Variants in ZDHHC18 observed in about 807,000 individuals in gnomAD.
ZDHHC18 encodes zDHHC palmitoyltransferase 18.
A neutral mutation model predicts 37.5 loss-of-function variants in ZDHHC18; 23 were observed. The observed-to-expected ratio is 0.61, with a 90% confidence interval of 0.44 to 0.87. The LOEUF (loss-of-function observed/expected upper bound fraction) is 0.87, where lower values mean the gene tolerates loss of function less well. ZDHHC18 is among the 40% of genes least tolerant of loss of function. The probability of loss-of-function intolerance (pLI) is 0.00; values close to 1 mark genes in which losing one functional copy is unlikely to be tolerated. For missense variants in ZDHHC18, 406 were observed against 525.6 expected (o/e 0.77, Z 2.22); for synonymous variants, 185 against 218.7 (o/e 0.85, Z 1.36).
At chr1:26,846,932 G>A (rs900652799) in intron 2 of ZDHHC18, among the ~76,000 whole-genome samples, 13 of 149,576 alleles carry the variant, frequency 8.7e-5, no homozygotes, top group Non-Finnish European at 1.3e-4. Context: ...GTCTCCCACC[G>A]TCGCCCAGGC....
At chr1:26,848,238 C>T (rs1050260879) in intron 2 of ZDHHC18, among the ~76,000 whole-genome samples, 2 of 151,574 alleles carry the variant, frequency 1.3e-5, no homozygotes, top group African/African-American at 2.4e-5. Flanking sequence ...CTTGAACCTG[C>T]GAGGTGGAGG....
intron 2 of ZDHHC18, among the ~76,000 whole-genome samples, chr1:26,839,573 G>A (rs2081628326): frequency 6.6e-6 from 1 of 152,122 alleles, no homozygotes; most frequent in African/African-American, 2.4e-5. Flanking sequence ...CCTAGTTTCA[G>A]CCCCACCTTC....
chr1:26,827,251 C>A, intron 1 of ZDHHC18, 112 bp downstream of exon 1: 2 of 939,776 alleles, frequency 2.1e-6, no homozygotes, highest in Non-Finnish European at 2.8e-6. Context: ...TCCTCATCCT[C>A]CCCGCCCCTT....
At chr1:26,832,858 G>A (rs1470582075) in intron 2 of ZDHHC18, among the ~76,000 whole-genome samples, 8 of 152,190 alleles carry the variant, frequency 5.3e-5, no homozygotes, top group Non-Finnish European at 1.0e-4. Flanking sequence ...TAGTTCCTGG[G>A]GGCTAGGCAC....
chr1:26,856,326 A>T lies in ZDHHC18; in HGVS notation c.*2483A>T. On this transcript the variant is annotated 3_prime_UTR_variant, in exon 8 of 8. Transcript: ENST00000374142. This position sits in a 1 kb window ranked among gnomAD's most constrained non-coding sequence, Gnocchi z 5.2. ...TCCCCTCACACACCATCTCATCCTC[A>T]TCGCATGCCTCGCCAACCCCATGGA... 2.5e-6 allele frequency: 1 copy of T among 399,338 alleles called. No individual in the cohort carries two copies. Among genetic ancestry groups the T allele is most frequent in the South Asian group, 1.7e-5 (1 of 59,454 alleles). 24.7% of individuals were successfully genotyped at this position (399,338 alleles called of 1,614,324 possible). A position where few individuals can be genotyped will look rare whatever the true frequency, so the allele number is the denominator to read the frequency against.
At chr1:26,833,590 G>T (rs1385231864) in intron 2 of ZDHHC18, among the ~76,000 whole-genome samples, 1 of 152,176 alleles carries the variant, frequency 6.6e-6, no homozygotes, top group African/African-American at 2.4e-5. Flanking sequence ...GGCAGCCCAG[G>T]TGGCCCTTGA....
Position 26,852,737 on chromosome 1 carries a change from T to G in ZDHHC18, c.937-16T>G. On this transcript the variant is annotated splice_polypyrimidine_tract_variant and intron_variant, in intron 6 of 7. Transcript: ENST00000374142. ...CAAAAGGAGGTACTTGACCTAGGCC[T>G]CCTTCCTGCTTGCAGATCAAAGGCT... The G allele has an allele frequency of 1.9e-6, 3 of 1,612,892 alleles. No individual in the cohort carries two copies. Among genetic ancestry groups the G allele is most frequent in the Non-Finnish European group, 8.5e-7 (1 of 1,178,986 alleles).
intron 2 of ZDHHC18, among the ~76,000 whole-genome samples, chr1:26,842,302 A>T (rs1252451452): frequency 6.6e-6 from 1 of 152,212 alleles, no homozygotes; most frequent in Non-Finnish European, 1.5e-5. Flanking sequence ...AATAGCTCAC[A>T]CTTGCTAACC....
intron 2 of ZDHHC18, among the ~76,000 whole-genome samples, chr1:26,846,179 C>G (rs1322972938): frequency 2.9e-5 from 4 of 135,730 alleles, no homozygotes; most frequent in Non-Finnish European, 6.2e-5. Context: ...TATATATACA[C>G]ATATATCTAT....
Position 26,851,340 on chromosome 1 carries a change from G to A in ZDHHC18, c.936+109G>A. ...ACAGTCCTGACTCACGGACTGCTGG[G>A]ATAATGCCTTTTAAGCAGCCAGATG... On this transcript the variant is annotated intron_variant, in intron 6 of 7. Coordinates refer to ENST00000374142, the MANE Select transcript of ZDHHC18 (RefSeq NM_032283.3). 4 of 1,071,962 alleles carry A rather than the reference G, an allele frequency of 3.7e-6. No individual in the cohort carries two copies. The East Asian group carries it at 9.5e-5, about 26-fold the overall frequency. 66.4% of individuals were successfully genotyped at this position (1,071,962 alleles called of 1,614,324 possible). A position where few individuals can be genotyped will look rare whatever the true frequency, so the allele number is the denominator to read the frequency against.
intron 3 of ZDHHC18, 143 bp downstream of exon 3, chr1:26,848,900 G>T: frequency 7.8e-7 from 1 of 1,288,864 alleles, no homozygotes; most frequent in Non-Finnish European, 1.1e-6. Flanking sequence ...ACCCAGATTT[G>T]CCCTGACTCA....
chr1:26,856,029 C>T lies in ZDHHC18; in HGVS notation c.*2186C>T, dbSNP rs868842159. 49 of 343,276 alleles carry T rather than the reference C, an allele frequency of 1.4e-4. No homozygotes were observed. Among genetic ancestry groups the T allele is most frequent in the South Asian group, 9.9e-4 (48 of 48,394 alleles). 21.3% of individuals were successfully genotyped at this position (343,276 alleles called of 1,614,324 possible). ...ATTCTTCTTCCCTACTGCCTTTCCA[C>T]TCCGATCCCCAATGAGTGCCCAGCT... On this transcript the variant is annotated 3_prime_UTR_variant, in exon 8 of 8. Transcript: ENST00000374142. The surrounding 1 kb of genome is among the most constrained non-coding windows in gnomAD (Gnocchi z 5.2).
chr1:26,852,875 C>G lies in ZDHHC18; in HGVS notation c.1049+10C>G. On this transcript the variant is annotated intron_variant, in intron 7 of 7. Coordinates refer to ENST00000374142, the MANE Select transcript of ZDHHC18 (RefSeq NM_032283.3). ...GCCCCCTACCTCCCAGGTAAGTGAG[C>G]GGGGTGCGGAAGAGGGGTAACAGGG... 6.2e-7 allele frequency: 1 copy of G among 1,612,442 alleles called. No individual in the cohort carries two copies. Among genetic ancestry groups the G allele is most frequent in the Non-Finnish European group, 8.5e-7 (1 of 1,178,780 alleles).
chr1:26,840,576 G>C (rs547323527), intron 2 of ZDHHC18, among the ~76,000 whole-genome samples: 2 of 151,662 alleles, frequency 1.3e-5, no homozygotes, highest in South Asian at 4.2e-4. Context: ...CGAGTAGCTG[G>C]GATTACAGGC....
chr1:26,841,740 C>G (rs1440933497), intron 2 of ZDHHC18, among the ~76,000 whole-genome samples: 1 of 152,100 alleles, frequency 6.6e-6, no homozygotes, highest in Non-Finnish European at 1.5e-5. Flanking sequence ...TCAGTGGCTC[C>G]TGGGAGGCTA....
chr1:26,837,614 C>A (rs929697235), intron 2 of ZDHHC18, among the ~76,000 whole-genome samples: 2 of 150,856 alleles, frequency 1.3e-5, no homozygotes, highest in Non-Finnish European at 3.0e-5. Context: ...CAAGTAGCTG[C>A]GATTACAGGC....
intron 2 of ZDHHC18, among the ~76,000 whole-genome samples, chr1:26,834,539 A>G (rs1557640854): frequency 6.6e-6 from 1 of 152,198 alleles, no homozygotes; most frequent in East Asian, 1.9e-4. Context: ...CAGGCCTTCC[A>G]TTGCACATTC....
At chr1:26,837,740 A>G (rs1308208734) in intron 2 of ZDHHC18, among the ~76,000 whole-genome samples, 1 of 151,804 alleles carries the variant, frequency 6.6e-6, no homozygotes, top group African/African-American at 2.4e-5. Context: ...TCAGCCTCCC[A>G]AAGTGCTGGG....
chr1:26,832,293 A>G (rs1442413387), intron 1 of ZDHHC18, among the ~76,000 whole-genome samples, 154 bp from the exon 2 acceptor site: 1 of 152,078 alleles, frequency 6.6e-6, no homozygotes, highest in Non-Finnish European at 1.5e-5. Context: ...GAGTGGCTGC[A>G]CTCATCAAGG....
Sources: allele counts gnomAD v4.1 joint callset (sites outside exome capture counted in the v4.1 genomes callset), GRCh38; gene constraint gnomAD v4.1.1; non-coding constraint Gnocchi (gnomAD v3.1); transcripts MANE v1.5; gene names NCBI Gene and HGNC (gene_info 2026-07-23, HGNC 2026-07-21).